ZFP91: variants seen among roughly 807,000 people sequenced by gnomAD.
ZFP91 encodes the protein E3 ubiquitin-protein ligase ZFP91.
Under a neutral mutation model 63.5 loss-of-function variants are expected in ZFP91, and 7 were observed. The ratio of observed to expected loss-of-function variants is 0.11; its 90% confidence interval spans 0.06 to 0.21. The LOEUF (loss-of-function observed/expected upper bound fraction) is 0.21. Ranked by LOEUF, ZFP91 falls within the 10% of genes least tolerant of loss-of-function variation. ZFP91 has a pLI of 1.00. For missense variants in ZFP91, 628 were observed against 736.6 expected, an observed-to-expected ratio of 0.85 and a Z score of 1.71; for synonymous variants, 330 against 272.1, an observed-to-expected ratio of 1.21 and a Z score of -2.10.
intron 2 of ZFP91, among the ~76,000 whole-genome samples, chr11:58,602,468 G>A (rs1855506965): frequency 6.6e-6 from 1 of 151,566 alleles, no homozygotes; most frequent in South Asian, 2.1e-4. Context: ...GAGAGGGAGA[G>A]GGGGCCTGTG....
chr11:58,589,632 A>G (rs1477176666), intron 2 of ZFP91, among the ~76,000 whole-genome samples: 3 of 152,256 alleles, frequency 2.0e-5, no homozygotes, highest in Non-Finnish European at 4.4e-5. Context: ...GGCTAAATAC[A>G]GTAGATAGAC....
At chr11:58,586,054 C>CTGT (rs530886475) in intron 2 of ZFP91, among the ~76,000 whole-genome samples, 4 of 150,720 alleles carry the variant, frequency 2.7e-5, no homozygotes, top group African/African-American at 9.8e-5. Context: ...TTTTTTGTTC[C>CTGT]TGTTGTTGTT....
rs60592770 is a variant in ZFP91, at chr11:58,580,639, A to C, written c.341+1017A>C. On this transcript the variant is annotated intron_variant, in intron 1 of 10. Coordinates refer to ENST00000316059, the MANE Select transcript of ZFP91 (RefSeq NM_053023.5). ...GTTTGACTTACACCAGACCTAATAG[A>C]TTTAAAACTTGAAACAGACTTGGTC... Among the ~76,000 whole-genome samples the C allele has an allele frequency of 4.7e-3, 721 of 152,330 alleles. 8 individuals are homozygous for C. Among genetic ancestry groups the C allele is most frequent in the African/African-American group, 0.016 (660 of 41,564 alleles).
At chr11:58,606,374 G>T (rs1487394777) in intron 2 of ZFP91, among the ~76,000 whole-genome samples, 3 of 152,014 alleles carry the variant, frequency 2.0e-5, no homozygotes, top group Non-Finnish European at 4.4e-5. Context: ...GCCTCTCTTG[G>T]TTCCTTTTTA....
intron 2 of ZFP91, among the ~76,000 whole-genome samples, chr11:58,600,941 G>T (rs1855482349): frequency 6.6e-6 from 1 of 152,044 alleles, no homozygotes; most frequent in Admixed American, 6.5e-5. Flanking sequence ...CTTTATTAAT[G>T]TGGGATATTA....
chr11:58,612,370 T>C (rs1286097785), intron 7 of ZFP91, 42 bp downstream of exon 7: 1 of 1,590,382 alleles, frequency 6.3e-7, no homozygotes. Flanking sequence ...CTTATTCCAG[T>C]ACCAGGCACT....
chr11:58,580,554 T>C (rs1346654740), intron 1 of ZFP91, among the ~76,000 whole-genome samples: 4 of 152,104 alleles, frequency 2.6e-5, no homozygotes, highest in African/African-American at 9.7e-5. Context: ...ACAGAGAAAA[T>C]TGAAGTGAGG....
At chr11:58,580,315 A>C (rs1205072350) in intron 1 of ZFP91, among the ~76,000 whole-genome samples, 3 of 152,216 alleles carry the variant, frequency 2.0e-5, no homozygotes, top group Admixed American at 6.5e-5. Context: ...CATCCTTGAA[A>C]TTAGAATCAT....
At chr11:58,594,685 A>G (rs999452907) in intron 2 of ZFP91, among the ~76,000 whole-genome samples, 9 of 152,224 alleles carry the variant, frequency 5.9e-5, no homozygotes, top group Non-Finnish European at 1.2e-4. Context: ...ACATATGTAG[A>G]TGGAGTAAAC....
At chr11:58,587,851 A>G (rs984618499) in intron 2 of ZFP91, among the ~76,000 whole-genome samples, 1 of 152,174 alleles carries the variant, frequency 6.6e-6, no homozygotes, top group Non-Finnish European at 1.5e-5. Context: ...AAGATAAAAC[A>G]TAAAAATGGA....
At chr11:58,592,427 A>C (rs1442789580) in intron 2 of ZFP91, among the ~76,000 whole-genome samples, 2 of 152,088 alleles carry the variant, frequency 1.3e-5, no homozygotes, top group Non-Finnish European at 2.9e-5. Flanking sequence ...TTTCTAGTTA[A>C]GAGCAACCAG....
intron 7 of ZFP91, 30 bp from the exon 8 acceptor site, chr11:58,612,732 G>A (rs200535996): frequency 7.8e-7 from 1 of 1,279,738 alleles, no homozygotes; most frequent in East Asian, 2.7e-5. Flanking sequence ...TTTTTTTTTT[G>A]CTAACTTTTC....
intron 2 of ZFP91, among the ~76,000 whole-genome samples, chr11:58,586,672 A>G (rs1855215435): frequency 6.6e-6 from 1 of 152,188 alleles, no homozygotes; most frequent in Non-Finnish European, 1.5e-5. Flanking sequence ...AAGATGAATG[A>G]ATAAAGAAAT....
At chr11:58,609,308 A>T (rs189921635) in intron 2 of ZFP91, among the ~76,000 whole-genome samples, 5 of 152,224 alleles carry the variant, frequency 3.3e-5, no homozygotes, top group African/African-American at 1.2e-4. Context: ...TTACCATTCA[A>T]TTGCTCTATA....
At chr11:58,616,962 G>A (rs1855758543) in intron 10 of ZFP91, 147 bp downstream of exon 10, 4 of 887,050 alleles carry the variant, frequency 4.5e-6, no homozygotes, top group Admixed American at 5.5e-5. Flanking sequence ...TTAGTTAGTA[G>A]CCTTTTTCTT....
At chr11:58,608,378 GGT>G (rs1855602951) in intron 2 of ZFP91, among the ~76,000 whole-genome samples, 1 of 151,820 alleles carries the variant, frequency 6.6e-6, no homozygotes, top group East Asian at 2.0e-4. Flanking sequence ...CATGTGGAAA[GGT>G]ATATACATTT....
Position 58,618,604 on chromosome 11 carries a change from A to G in ZFP91, c.*898A>G, listed in dbSNP as rs1249492981. 4 of 423,664 alleles carry G rather than the reference A, an allele frequency of 9.4e-6. No homozygotes were observed. The highest frequency in any genetic ancestry group is 5.1e-5 in the South Asian group (3 of 58,394). 26.2% of individuals were successfully genotyped at this position (423,664 alleles called of 1,614,324 possible). A position where few individuals can be genotyped will look rare whatever the true frequency, so the allele number is the denominator to read the frequency against. ...TTTTTTTTTTGGAGTCTTTGTTGCT[A>G]TATTTTGTGGGGCTGGGAGAGAGAG... On this transcript the variant is annotated 3_prime_UTR_variant, in exon 11 of 11. Coordinates refer to ENST00000316059, the MANE Select transcript of ZFP91 (RefSeq NM_053023.5).
chr11:58,585,610 T>C (rs1050368888), intron 2 of ZFP91, among the ~76,000 whole-genome samples: 7 of 152,206 alleles, frequency 4.6e-5, no homozygotes, highest in African/African-American at 1.7e-4. Context: ...TGACCCAGGC[T>C]TGACACAGCC....
chr11:58,615,195 A>G (rs554344604), intron 9 of ZFP91, among the ~76,000 whole-genome samples: 3 of 152,328 alleles, frequency 2.0e-5, no homozygotes, highest in Admixed American at 6.5e-5. Context: ...GCTATTGACT[A>G]CACAGAGCCT....
Sources: allele counts gnomAD v4.1 joint callset (sites outside exome capture counted in the v4.1 genomes callset), GRCh38; gene constraint gnomAD v4.1.1; transcripts MANE v1.5; gene names NCBI Gene and HGNC (gene_info 2026-07-23, HGNC 2026-07-21).